The following CSMD1 variants were observed in gnomAD, a reference collection of about 807,000 sequenced individuals.
CSMD1 encodes CUB and sushi domain-containing protein 1.
A neutral mutation model predicts 417.5 loss-of-function variants in CSMD1; 213 were observed. The ratio of observed to expected loss-of-function variants is 0.51; its 90% CI spans 0.46 to 0.57. The LOEUF (loss-of-function observed/expected upper bound fraction) is 0.57. Among genes scored for constraint, CSMD1 ranks in the 20% least tolerant of loss-of-function variants. The pLI is 0.00. For missense variants in CSMD1, 6,923 were observed against 4,529.7 expected (o/e 1.53, Z -15.17); for synonymous variants, 2,862 against 1,736.8 (o/e 1.65, Z -16.11).
intron 2 of CSMD1, among the ~76,000 whole-genome samples, chr8:4,530,302 G>A (rs113521798): frequency 5.7e-5 from 6 of 105,304 alleles, no homozygotes; most frequent in Admixed American, 1.1e-4. Context: ...ACAGTTTATC[G>A]TACAGGTAGT....
chr8:3,482,381 T>A (rs188579666), intron 11 of CSMD1, among the ~76,000 whole-genome samples: 21 of 152,236 alleles, frequency 1.4e-4, no homozygotes, highest in African/African-American at 4.1e-4. Context: ...TATGTTAATA[T>A]CTGACAAAGT....
chr8:3,464,223 C>A (rs1585203492), intron 12 of CSMD1, among the ~76,000 whole-genome samples: 1 of 151,808 alleles, frequency 6.6e-6, no homozygotes. Context: ...TTTTTGTAAC[C>A]AAAAATGCTT....
At chr8:4,381,097 G>A (rs1297907650) in intron 3 of CSMD1, among the ~76,000 whole-genome samples, 2 of 152,136 alleles carry the variant, frequency 1.3e-5, no homozygotes, top group South Asian at 2.1e-4. Flanking sequence ...TGTGGTTTTA[G>A]CCATTACTTT....
At position 4,932,753 on chromosome 8, in the gene CSMD1, C is replaced by A. The variant is rs551798476; in HGVS notation, c.85+61579G>T. On this transcript the variant is annotated intron_variant, in intron 1 of 69. Transcript: ENST00000635120. ...CCTTAAGTACGATCCTTAAAATAAT[C>A]CAAGCTTACACTGACTTAAAGGTAA... is the stretch of plus-strand genomic sequence containing the variant. Among the ~76,000 whole-genome samples the A allele has an allele frequency of 4.6e-5, 7 of 152,288 alleles. 1 individual carries two copies. In the South Asian group the frequency reaches 1.5e-3, roughly 32 times the overall value.
At chr8:4,830,702 G>A (rs890845961) in intron 1 of CSMD1, among the ~76,000 whole-genome samples, 1 of 152,184 alleles carries the variant, frequency 6.6e-6, no homozygotes, top group Non-Finnish European at 1.5e-5. Flanking sequence ...TGGCAACACT[G>A]TATTGCAACC....
intron 25 of CSMD1, among the ~76,000 whole-genome samples, chr8:3,285,819 G>C (rs902027234): frequency 6.6e-6 from 1 of 150,848 alleles, no homozygotes; most frequent in Non-Finnish European, 1.5e-5. Flanking sequence ...ATCCCCATTT[G>C]TGTATATATA....
Position 3,142,553 on chromosome 8 carries a change from C to T in CSMD1, c.6153G>A (p.Ala2051=), listed in dbSNP as rs755997264. 7.4e-6 allele frequency: 12 copies of T among 1,613,756 alleles called. No homozygotes were observed. Among genetic ancestry groups the T allele is most frequent in the East Asian group, 2.2e-5 (1 of 44,886 alleles). The part of the protein sequence containing the change: ...IGQFSGTDLP[A]ALLSTTHETL... The stretch of plus-strand genomic sequence containing the variant: ...TTTCATGCGTTGTGCTCAGCAGGGC[C>T]GCGGGGAGATCCGTGCCGCTAAATT... Residue 2051 remains alanine, a synonymous_variant, in exon 41 of 70, where the codon GCG becomes GCA. Transcript: ENST00000635120.
At chr8:3,910,522 G>A (rs964053766) in intron 5 of CSMD1, among the ~76,000 whole-genome samples, 1 of 152,126 alleles carries the variant, frequency 6.6e-6, no homozygotes, top group Non-Finnish European at 1.5e-5. Flanking sequence ...ATTTTACAAA[G>A]AAGTCAGATT....
chr8:4,437,187 T>C lies in CSMD1; in HGVS notation c.303-17122A>G, dbSNP rs140415273. Among the ~76,000 whole-genome samples, 119 of 152,332 alleles carry C rather than the reference T, an allele frequency of 7.8e-4. 2 individuals carry two copies. Among genetic ancestry groups the C allele is most frequent in the Middle Eastern group, 3.4e-3 (1 of 294 alleles). On this transcript the variant is annotated intron_variant, in intron 2 of 69. Transcript: ENST00000635120. ...CCAACAAAACAAAGCAAAACTTTGT[T>C]GTCTCAACAAATCAAATCAATGACT...
intron 49 of CSMD1, among the ~76,000 whole-genome samples, chr8:3,055,441 C>T (rs1056743235): frequency 6.6e-6 from 1 of 152,190 alleles, no homozygotes; most frequent in Non-Finnish European, 1.5e-5. Context: ...TATAACACTT[C>T]TGATTTAATG....
intron 59 of CSMD1, among the ~76,000 whole-genome samples, chr8:2,964,655 C>A (rs182173009): frequency 1.2e-3 from 182 of 152,320 alleles, no homozygotes; most frequent in African/African-American, 4.0e-3. Flanking sequence ...ACTGCCGACA[C>A]AACGTAGTGC....
chr8:3,062,589 C>T (rs1455714973), intron 49 of CSMD1, among the ~76,000 whole-genome samples: 1 of 145,712 alleles, frequency 6.9e-6, no homozygotes, highest in African/African-American at 2.5e-5. Context: ...CTATGAAATG[C>T]AAAATTGAGG....
chr8:4,578,193 C>G (rs978331830), intron 2 of CSMD1, among the ~76,000 whole-genome samples: 1 of 152,092 alleles, frequency 6.6e-6, no homozygotes, highest in African/African-American at 2.4e-5. Context: ...GGAAGTCTCG[C>G]TCTGTTGCCC....
At chr8:4,121,613 C>T (rs545645010) in intron 3 of CSMD1, among the ~76,000 whole-genome samples, 1 of 117,302 alleles carries the variant, frequency 8.5e-6, no homozygotes, top group Middle Eastern at 4.1e-3. Context: ...TGCATAAACA[C>T]CTAGTTTAAA....
intron 7 of CSMD1, among the ~76,000 whole-genome samples, chr8:3,639,549 G>C (rs1323026299): frequency 1.3e-5 from 2 of 152,104 alleles, no homozygotes; most frequent in East Asian, 1.9e-4. Context: ...CAGAAGACCT[G>C]ACTTCCTGCC....
chr8:4,303,693 T>C (rs1282413650), intron 3 of CSMD1, among the ~76,000 whole-genome samples: 1 of 152,076 alleles, frequency 6.6e-6, no homozygotes, highest in Non-Finnish European at 1.5e-5. Flanking sequence ...TCTTGCTCTC[T>C]TGCCCAGACT....
At chr8:4,064,693 T>G (rs545666644) in intron 3 of CSMD1, among the ~76,000 whole-genome samples, 1 of 152,352 alleles carries the variant, frequency 6.6e-6, no homozygotes, top group South Asian at 2.1e-4. Context: ...GCTGCTGCCC[T>G]GGCGTGTTGG....
At chr8:4,183,431 G>C (rs567338573) in intron 3 of CSMD1, among the ~76,000 whole-genome samples, 3 of 152,192 alleles carry the variant, frequency 2.0e-5, no homozygotes, top group Non-Finnish European at 1.5e-5. Flanking sequence ...GTGGGTCACA[G>C]CTTGTCAATA....
chr8:4,606,352 G>C (rs899160725), intron 2 of CSMD1, among the ~76,000 whole-genome samples: 25 of 151,416 alleles, frequency 1.7e-4, no homozygotes, highest in Admixed American at 9.8e-4. Flanking sequence ...AGGAAACAGG[G>C]AGAGAAAAAA....
Sources: gnomAD v4.1 joint callset for allele counts (sites outside exome capture counted in the v4.1 genomes callset) on GRCh38, gnomAD v4.1.1 for gene constraint, MANE v1.5 for transcripts, NCBI Gene and HGNC (gene_info 2026-07-23, HGNC 2026-07-21) for gene names.